Variants in ZNRF3 observed in about 807,000 individuals in gnomAD.
The protein encoded by ZNRF3 is zinc and ring finger 3.
Under a neutral mutation model 72.5 loss-of-function variants are expected in ZNRF3, and 23 were observed. The ratio of observed to expected loss-of-function variants is 0.32; its 90% CI spans 0.23 to 0.45. The LOEUF is 0.45. ZNRF3 is among the 20% of genes least tolerant of loss of function. ZNRF3 has a pLI of 1.00. For synonymous variants in ZNRF3, 610 were observed against 545.3 expected (o/e 1.12, Z -1.65); for missense variants, 1,169 against 1,272.1 (o/e 0.92, Z 1.23).
intron 1 of ZNRF3, among the ~76,000 whole-genome samples, chr22:28,937,341 C>T (rs961573246): frequency 6.6e-5 from 10 of 150,384 alleles, no homozygotes; most frequent in Non-Finnish European, 1.2e-4. Context: ...GTGGTGGCTG[C>T]GGCTGGGGAC....
At chr22:28,960,686 C>T (rs763676597) in intron 1 of ZNRF3, among the ~76,000 whole-genome samples, 3 of 152,152 alleles carry the variant, frequency 2.0e-5, no homozygotes, top group Non-Finnish European at 4.4e-5. Context: ...TTTACTGCCC[C>T]CTTTTGAAAC....
chr22:28,932,800 T>C (rs1347015930), intron 1 of ZNRF3, among the ~76,000 whole-genome samples: 2 of 152,218 alleles, frequency 1.3e-5, no homozygotes, highest in Non-Finnish European at 2.9e-5. Flanking sequence ...TCAGGAGCTC[T>C]GCACTTGATC....
At chr22:28,927,105 CAA>C (rs132552) in intron 1 of ZNRF3, among the ~76,000 whole-genome samples, 5 of 115,244 alleles carry the variant, frequency 4.3e-5, no homozygotes, top group Non-Finnish European at 5.5e-5. Flanking sequence ...GACTTCATCT[CAA>C]AAAAAAAAAA....
At chr22:29,028,360 C>T (rs1421070766) in intron 2 of ZNRF3, among the ~76,000 whole-genome samples, 1 of 152,104 alleles carries the variant, frequency 6.6e-6, no homozygotes, top group Non-Finnish European at 1.5e-5. Context: ...AAAAAAAATC[C>T]CTCCTTATGT....
At chr22:29,004,857 T>C (rs1358672967) in intron 2 of ZNRF3, among the ~76,000 whole-genome samples, 1 of 152,070 alleles carries the variant, frequency 6.6e-6, no homozygotes, top group Non-Finnish European at 1.5e-5. Context: ...AGGTGCTGAA[T>C]AGGACCCGAA....
intron 1 of ZNRF3, among the ~76,000 whole-genome samples, chr22:28,916,190 T>C (rs952447968): frequency 2.0e-5 from 3 of 152,058 alleles, no homozygotes; most frequent in African/African-American, 4.8e-5. Context: ...GCCTCCCGAG[T>C]AGCTGGGACT....
chr22:29,007,752 CTTT>C (rs943507617), intron 2 of ZNRF3, among the ~76,000 whole-genome samples: 2 of 43,672 alleles, frequency 4.6e-5, no homozygotes. Context: ...CCATTTCTTC[CTTT>C]TTTTTTTTTT....
intron 2 of ZNRF3, among the ~76,000 whole-genome samples, chr22:29,020,776 GGT>G (rs3037492): frequency 0.023 from 1,993 of 85,934 alleles, 18 homozygotes; most frequent in Middle Eastern, 0.068. Context: ...TGTGTGTGTG[GGT>G]GTGTGTGTGT....
At chr22:28,969,184 T>C (rs1468823122) in intron 1 of ZNRF3, among the ~76,000 whole-genome samples, 1 of 152,194 alleles carries the variant, frequency 6.6e-6, no homozygotes, top group East Asian at 1.9e-4. Context: ...CCCGCCCCAC[T>C]TGGGCTACTT....
intron 2 of ZNRF3, among the ~76,000 whole-genome samples, chr22:29,022,086 C>T (rs528821388): frequency 2.0e-4 from 30 of 152,278 alleles, no homozygotes; most frequent in African/African-American, 4.6e-4. Flanking sequence ...GAATTTAACA[C>T]GAATGGAATC....
chr22:29,050,510 C>T lies in ZNRF3; in HGVS notation c.2329C>T (p.Leu777=). The change falls in exon 8 of 9, where the codon CTG becomes TTG. Residue 777 remains leucine (L), a synonymous_variant. Coordinates refer to ENST00000544604, the MANE Select transcript of ZNRF3 (RefSeq NM_001206998.2). ...PRTDGVKYEG[L]PCCFYEEKQV... is the part of the protein sequence containing the mutation. ...GACAGATGGGGTGAAATACGAGGGT[C>T]TGCCCTGCTGCTTCTATGAAGAGAA... The T allele has an allele frequency of 1.2e-6, 2 of 1,612,540 alleles. No individual in the cohort carries two copies. The highest frequency in any genetic ancestry group is 1.7e-6 in the Non-Finnish European group (2 of 1,179,784).
intron 2 of ZNRF3, among the ~76,000 whole-genome samples, chr22:29,035,135 C>T (rs1003557856): frequency 2.6e-5 from 4 of 151,836 alleles, no homozygotes; most frequent in African/African-American, 7.3e-5. Context: ...TGAGCCAACG[C>T]GCTCAGCCAT....
intron 1 of ZNRF3, among the ~76,000 whole-genome samples, chr22:28,976,329 C>G (rs2035674247): frequency 1.3e-5 from 2 of 152,054 alleles, no homozygotes; most frequent in African/African-American, 4.8e-5. Flanking sequence ...TGAGACCAGC[C>G]TGGACAACAT....
chr22:28,955,049 T>G (rs575584506), intron 1 of ZNRF3, among the ~76,000 whole-genome samples: 3 of 150,660 alleles, frequency 2.0e-5, no homozygotes, highest in South Asian at 2.1e-4. Flanking sequence ...TTTTTTTGTT[T>G]TTTTTTTTTG....
chr22:28,925,165 C>T (rs147938378), intron 1 of ZNRF3, among the ~76,000 whole-genome samples: 29 of 152,296 alleles, frequency 1.9e-4, no homozygotes, highest in African/African-American at 3.4e-4. Context: ...GCCTGCCAAA[C>T]GGAGTCAGCT....
At chr22:29,040,468 A>AC (rs1239082792) in intron 2 of ZNRF3, among the ~76,000 whole-genome samples, 1 of 150,448 alleles carries the variant, frequency 6.6e-6, no homozygotes, top group East Asian at 1.9e-4. Flanking sequence ...GGCATAAGCC[A>AC]CCATGCCCAG....
At chr22:28,977,798 G>A (rs2035701736) in intron 1 of ZNRF3, among the ~76,000 whole-genome samples, 1 of 152,098 alleles carries the variant, frequency 6.6e-6, no homozygotes, top group African/African-American at 2.4e-5. Context: ...TTGGATAAAA[G>A]CACCACTAGC....
intron 2 of ZNRF3, among the ~76,000 whole-genome samples, chr22:29,016,640 AGAGT>A (rs1452855903): frequency 6.6e-6 from 1 of 152,246 alleles, no homozygotes; most frequent in Admixed American, 6.5e-5. Context: ...TTACTATTTA[AGAGT>A]GATTACTGAT....
intron 2 of ZNRF3, among the ~76,000 whole-genome samples, chr22:29,016,181 C>T (rs2036433462): frequency 1.3e-5 from 2 of 152,158 alleles, no homozygotes; most frequent in African/African-American, 2.4e-5. Flanking sequence ...CACAGTGTAT[C>T]GACCTCATGT....
Sources: allele counts gnomAD v4.1 joint callset (sites outside exome capture counted in the v4.1 genomes callset), GRCh38; gene constraint gnomAD v4.1.1; transcripts MANE v1.5; gene names NCBI Gene and HGNC (gene_info 2026-07-23, HGNC 2026-07-21).